IRAK1BP1: variants seen among roughly 807,000 people sequenced by gnomAD.
The protein encoded by IRAK1BP1 is interleukin-1 receptor-associated kinase 1-binding protein 1.
In IRAK1BP1, 24 loss-of-function variants were observed where a neutral mutation model predicts 28.0. The ratio of observed to expected loss-of-function variants is 0.86; its 90% CI spans 0.62 to 1.20. The LOEUF (loss-of-function observed/expected upper bound fraction) is 1.20, where lower values mean the gene tolerates loss of function less well. Among genes scored for constraint, IRAK1BP1 ranks in the 50% most tolerant of loss-of-function variants. The pLI is 0.00. For synonymous variants in IRAK1BP1, 131 were observed against 116.3 expected (o/e 1.13, Z -0.81); for missense variants, 336 against 316.7 (o/e 1.06, Z -0.46).
At chr6:78,967,826 G>T in the IRAK1BP1 span, among the ~76,000 whole-genome samples, 14 of 152,064 alleles carry the variant, frequency 9.2e-5, no homozygotes, top group African/African-American at 3.4e-4. Context: ...ATTGGCAAAT[G>T]CAACTCCTTA....
chr6:78,917,590 C>A (rs957413097), intron 4 of IRAK1BP1, among the ~76,000 whole-genome samples: 8 of 124,594 alleles, frequency 6.4e-5, no homozygotes, highest in Non-Finnish European at 1.1e-4. Flanking sequence ...ACAAAATGAA[C>A]ATTGCCAAGG....
chr6:78,940,614 G>T, intron 4 of IRAK1BP1: 1 of 366,904 alleles, frequency 2.7e-6, no homozygotes, highest in Non-Finnish European at 4.4e-6. Flanking sequence ...ACAGCAGCAA[G>T]GAAGCAGAAG....
At chr6:78,871,654 G>C in intron 1 of IRAK1BP1, 3 of 425,862 alleles carry the variant, frequency 7.0e-6, no homozygotes, top group Non-Finnish European at 9.4e-6. Flanking sequence ...TGGGACATGA[G>C]GATAGGGCTG....
intron 4 of IRAK1BP1, among the ~76,000 whole-genome samples, chr6:78,911,728 T>A (rs1369063893): frequency 6.6e-6 from 1 of 152,210 alleles, no homozygotes; most frequent in Non-Finnish European, 1.5e-5. Flanking sequence ...ATCTGAGTAC[T>A]CTGTACCGGG....
chr6:78,969,772 A>T, the IRAK1BP1 span: 1 of 730,840 alleles, frequency 1.4e-6, no homozygotes, highest in Non-Finnish European at 2.2e-6. Flanking sequence ...GAAAAATAGT[A>T]AATCACTTAC....
rs1047304596 is a variant in IRAK1BP1 at position 78,900,375 on chromosome 6, A to G, written c.*2041A>G. The G allele has an allele frequency of 1.3e-5, 2 of 152,234 alleles. No homozygotes were observed. The highest frequency in any genetic ancestry group is 2.9e-5 in the Non-Finnish European group (2 of 68,050). 9.4% of individuals were successfully genotyped at this position (152,234 alleles called of 1,614,324 possible). A position where few individuals can be genotyped will look rare whatever the true frequency, so the allele number is the denominator to read the frequency against. On this transcript the variant is annotated 3_prime_UTR_variant, in exon 4 of 4. Coordinates refer to ENST00000369940, the MANE Select transcript of IRAK1BP1 (RefSeq NM_001010844.4). ...TCCATTGATAAATCTGGATGTTTATATACCAACAGTACTTTCTTACAACAT... is the reference window on the plus strand; with the variant it reads ...TCCATTGATAAATCTGGATGTTTATGTACCAACAGTACTTTCTTACAACAT...
chr6:78,885,584 A>G (rs923215929), intron 2 of IRAK1BP1, 141 bp downstream of exon 2: 8 of 496,830 alleles, frequency 1.6e-5, no homozygotes, highest in Admixed American at 1.5e-4. Context: ...TTGGTGTTAT[A>G]TATCTATTTC....
intron 4 of IRAK1BP1, among the ~76,000 whole-genome samples, chr6:78,932,424 T>TTC (rs1454477831): frequency 1.3e-4 from 19 of 146,958 alleles, no homozygotes; most frequent in South Asian, 6.7e-4. Flanking sequence ...TCTTTTTCTT[T>TTC]TTTTTTTTTT....
chr6:78,968,342 C>G, the IRAK1BP1 span, among the ~76,000 whole-genome samples: 1 of 152,084 alleles, frequency 6.6e-6, no homozygotes, highest in African/African-American at 2.4e-5. Flanking sequence ...TTTAACTGAC[C>G]AGGTCTACTT....
intron 4 of IRAK1BP1, chr6:78,945,210 C>G: frequency 2.0e-6 from 2 of 981,458 alleles, no homozygotes; most frequent in East Asian, 2.4e-5. Context: ...AGTGGGCAAC[C>G]TGAAAAGTGG....
chr6:78,945,920 T>C (rs568003354), exon 5 of IRAK1BP1: 1 of 961,226 alleles, frequency 1.0e-6, no homozygotes, highest in South Asian at 1.6e-5. Flanking sequence ...TTACTAAAAC[T>C]CAGTATATTG....
downstream of IRAK1BP1, among the ~76,000 whole-genome samples, chr6:78,947,132 A>G (rs1217062130): frequency 6.6e-6 from 1 of 152,216 alleles, no homozygotes; most frequent in East Asian, 1.9e-4. Context: ...CAAATGGCTC[A>G]TACAGACAAA....
At position 78,903,052 on chromosome 6, in the gene IRAK1BP1, C is replaced by T. The variant is rs1336106206; in HGVS notation, c.*4718C>T. Reference sequence around the variant, plus strand: ...CAATTACTCCCAGATAGCCATGTCACCTGTGAATTATCATGAATCCCACAT... The same window carrying T: ...CAATTACTCCCAGATAGCCATGTCATCTGTGAATTATCATGAATCCCACAT... On this transcript the variant is annotated 3_prime_UTR_variant, in exon 4 of 4. Coordinates refer to ENST00000369940, the MANE Select transcript of IRAK1BP1 (RefSeq NM_001010844.4). 2.0e-6 allele frequency: 3 copies of T among 1,533,920 alleles called. No individual in the cohort carries two copies. The highest frequency in any genetic ancestry group is 2.4e-5 in the East Asian group (1 of 40,890).
At chr6:78,963,787 G>C in the IRAK1BP1 span, among the ~76,000 whole-genome samples, 1 of 152,296 alleles carries the variant, frequency 6.6e-6, no homozygotes, top group South Asian at 2.1e-4. Flanking sequence ...AGAATCACTA[G>C]AGGGTTGCGG....
At chr6:78,955,441 A>C in the IRAK1BP1 span, among the ~76,000 whole-genome samples, 1 of 151,968 alleles carries the variant, frequency 6.6e-6, no homozygotes, top group Admixed American at 6.6e-5. Flanking sequence ...CCCATTAAAA[A>C]ATTTTTTTTA....
the IRAK1BP1 span, chr6:78,955,360 T>C: frequency 9.6e-7 from 1 of 1,039,294 alleles, no homozygotes; most frequent in Non-Finnish European, 1.5e-6. Flanking sequence ...CTAGCAATTA[T>C]TTCCTTTACA....
intron 4 of IRAK1BP1, among the ~76,000 whole-genome samples, chr6:78,927,720 A>ATC (rs1207549696): frequency 6.6e-6 from 1 of 152,078 alleles, no homozygotes; most frequent in East Asian, 1.9e-4. Context: ...ATACAGTGAG[A>ATC]GATAGGGGTC....
At chr6:78,941,742 C>G (rs1773512355) in intron 4 of IRAK1BP1, among the ~76,000 whole-genome samples, 1 of 152,250 alleles carries the variant, frequency 6.6e-6, no homozygotes, top group African/African-American at 2.4e-5. Context: ...AAAGTCCTAT[C>G]TCCTTGTGTA....
At chr6:78,978,857 C>G in the IRAK1BP1 span, 2 of 528,616 alleles carry the variant, frequency 3.8e-6, no homozygotes, top group Non-Finnish European at 6.0e-6. Flanking sequence ...CCCTGTGTAT[C>G]CATGGGTTCC....
Sources: gnomAD v4.1 joint callset for allele counts (sites outside exome capture counted in the v4.1 genomes callset) on GRCh38, gnomAD v4.1.1 for gene constraint, MANE v1.5 for transcripts, NCBI Gene and HGNC (gene_info 2026-07-23, HGNC 2026-07-21) for gene names.